The following APBA2 variants were observed in gnomAD, a reference collection of about 807,000 sequenced individuals.
APBA2 encodes the protein amyloid beta precursor protein binding family A member 2, also known as amyloid-beta A4 precursor protein-binding family A member 2.
In APBA2, 30 loss-of-function variants were observed where a neutral mutation model predicts 75.0. The ratio of observed to expected loss-of-function variants is 0.40; its 90% CI spans 0.30 to 0.54. The LOEUF (loss-of-function observed/expected upper bound fraction) is 0.54, where lower values mean the gene tolerates loss of function less well. Among genes scored for constraint, APBA2 ranks in the 20% least tolerant of loss-of-function variants. The probability of loss-of-function intolerance (pLI) is 0.49; values close to 1 mark genes in which losing one functional copy is unlikely to be tolerated. For synonymous variants in APBA2, 444 were observed against 409.6 expected (o/e 1.08, Z -1.01); for missense variants, 801 against 1,016.1 (o/e 0.79, Z 2.88).
At position 28,944,695 on chromosome 15, in the gene APBA2, C is replaced by G. The variant is rs551155899; in HGVS notation, c.-95+22946C>G. 3.9e-5 allele frequency among the ~76,000 whole-genome samples: 6 copies of G among 152,352 alleles called. No homozygotes were observed. In the South Asian group the frequency reaches 1.0e-3, roughly 26 times the overall value. ...AAATGAATGGAACAGCTGTACTGTG[C>G]AGAGATACGTGCAGAGAGGGGCAGG... is the stretch of plus-strand genomic sequence containing the variant. On this transcript the variant is annotated intron_variant, in intron 2 of 14. Transcript: ENST00000683413.
intron 14 of APBA2, among the ~76,000 whole-genome samples, chr15:29,115,359 G>A (rs1247590738): frequency 6.6e-6 from 1 of 152,124 alleles, no homozygotes; most frequent in Non-Finnish European, 1.5e-5. Context: ...GCTGGGAGCT[G>A]GGAGGCCTGT....
intron 3 of APBA2, among the ~76,000 whole-genome samples, chr15:29,016,418 A>T (rs761762393): frequency 5.3e-5 from 8 of 151,966 alleles, no homozygotes; most frequent in Middle Eastern, 3.4e-3. Context: ...TTATGGGAAG[A>T]CCCCTCACTT....
chr15:28,946,103 A>G (rs1170048150), intron 2 of APBA2, among the ~76,000 whole-genome samples: 1 of 152,186 alleles, frequency 6.6e-6, no homozygotes, highest in African/African-American at 2.4e-5. Flanking sequence ...TTAGATCTTG[A>G]TTTTGTTGCA....
chr15:28,950,405 A>C (rs2035794692), intron 2 of APBA2, among the ~76,000 whole-genome samples: 1 of 151,884 alleles, frequency 6.6e-6, no homozygotes, highest in South Asian at 2.1e-4. Flanking sequence ...GAGTGGGTGG[A>C]TCATGAGGTC....
At position 29,046,286 on chromosome 15, in the gene APBA2, C is replaced by G. The variant is rs189655497; in HGVS notation, c.-40-7559C>G. The stretch of plus-strand genomic sequence containing the variant: ...CTTTGAAAGAACCACTTGTTTCTAC[C>G]TACGTTTTTGCCCACCTTTCCTTCT... On this transcript the variant is annotated intron_variant, in intron 3 of 14. Transcript: ENST00000683413. This position sits in a 1 kb window ranked among gnomAD's most constrained non-coding sequence, Gnocchi z 5.0. Among the ~76,000 whole-genome samples, 1 of 152,304 alleles carries G rather than the reference C, an allele frequency of 6.6e-6. No homozygotes were observed. Among genetic ancestry groups the G allele is most frequent in the Non-Finnish European group, 1.5e-5 (1 of 68,030 alleles).
At chr15:28,948,484 C>T (rs191094839) in intron 2 of APBA2, among the ~76,000 whole-genome samples, 18 of 152,172 alleles carry the variant, frequency 1.2e-4, no homozygotes, top group Non-Finnish European at 2.6e-4. Context: ...TGTGTAACTT[C>T]AGAGTTTGGT....
chr15:29,080,531 G>A (rs988881080), intron 6 of APBA2, among the ~76,000 whole-genome samples: 6 of 152,116 alleles, frequency 3.9e-5, no homozygotes, highest in Non-Finnish European at 5.9e-5. Flanking sequence ...GGGGTCTAGC[G>A]ACCCTCTCAG....
intron 1 of APBA2, among the ~76,000 whole-genome samples, chr15:28,896,332 T>C (rs1595401903): frequency 6.6e-6 from 1 of 152,180 alleles, no homozygotes; most frequent in East Asian, 1.9e-4. Context: ...CAGACTGGAG[T>C]GCAGTGGCAC....
At chr15:29,073,172 A>G (rs895576267) in intron 4 of APBA2, among the ~76,000 whole-genome samples, 2 of 152,290 alleles carry the variant, frequency 1.3e-5, no homozygotes, top group Non-Finnish European at 2.9e-5. Flanking sequence ...AGAGCAAGAC[A>G]CTGATAGACT....
intron 2 of APBA2, among the ~76,000 whole-genome samples, chr15:28,957,646 C>T (rs1046845405): frequency 3.3e-5 from 5 of 152,090 alleles, no homozygotes; most frequent in African/African-American, 9.7e-5. Flanking sequence ...TCCTGATGCA[C>T]GATGGTGTGG....
intron 3 of APBA2, among the ~76,000 whole-genome samples, chr15:29,030,330 C>T (rs1346124910): frequency 3.3e-5 from 5 of 152,006 alleles, no homozygotes; most frequent in African/African-American, 4.8e-5. Context: ...GGCGTGATGG[C>T]GGGTGCCTAT....
chr15:28,937,214 G>A (rs1458351678), intron 2 of APBA2, among the ~76,000 whole-genome samples: 1 of 151,876 alleles, frequency 6.6e-6, no homozygotes, highest in African/African-American at 2.4e-5. Context: ...GTGTCATACA[G>A]TGGCATGCTG....
At chr15:29,032,598 A>G (rs974879676) in intron 3 of APBA2, among the ~76,000 whole-genome samples, 2 of 152,162 alleles carry the variant, frequency 1.3e-5, no homozygotes, top group African/African-American at 2.4e-5. Context: ...CTGGTGATCT[A>G]TTTGGCTATC....
rs141291770 is a variant in APBA2 at position 28,960,019 on chromosome 15, C to T, written c.-94-35734C>T. Among the ~76,000 whole-genome samples the T allele has an allele frequency of 2.5e-3, 381 of 152,218 alleles. 1 individual carries two copies. Among genetic ancestry groups the T allele is most frequent in the African/African-American group, 9.0e-3 (373 of 41,548 alleles). On this transcript the variant is annotated intron_variant, in intron 2 of 14. Coordinates refer to ENST00000683413, the MANE Select transcript of APBA2 (RefSeq NM_001353788.2). ...AATTAGCTGGGCCTGGTGGCAGTTGCCTGTGGTCCCAGCTACTTGGGAGGC... is the reference window on the plus strand; with the variant it reads ...AATTAGCTGGGCCTGGTGGCAGTTGTCTGTGGTCCCAGCTACTTGGGAGGC...
chr15:28,900,655 C>T (rs1454207960), intron 1 of APBA2, among the ~76,000 whole-genome samples: 4 of 152,216 alleles, frequency 2.6e-5, no homozygotes, highest in Non-Finnish European at 4.4e-5. Context: ...GATAAGCTGT[C>T]GGGGGCCGCT....
chr15:29,040,552 G>A (rs184731415), intron 3 of APBA2, among the ~76,000 whole-genome samples: 2 of 152,212 alleles, frequency 1.3e-5, no homozygotes, highest in African/African-American at 4.8e-5. Context: ...TGAATAGCTC[G>A]TGCTTGAAGC....
At chr15:28,943,652 T>C (rs2152708816) in intron 2 of APBA2, among the ~76,000 whole-genome samples, 1 of 152,160 alleles carries the variant, frequency 6.6e-6, no homozygotes, top group East Asian at 1.9e-4. Flanking sequence ...CAGCACTGAG[T>C]ACATGATGCC....
intron 3 of APBA2, among the ~76,000 whole-genome samples, chr15:29,002,367 G>T (rs1397106078): frequency 6.6e-6 from 1 of 152,186 alleles, no homozygotes; most frequent in Non-Finnish European, 1.5e-5. Flanking sequence ...ACAGTCTAGG[G>T]CTGCTGTGAA....
intron 1 of APBA2, among the ~76,000 whole-genome samples, chr15:28,895,215 T>C (rs543489747): frequency 6.6e-6 from 1 of 152,254 alleles, no homozygotes; most frequent in Non-Finnish European, 1.5e-5. Context: ...CCCAGGCAGC[T>C]CCAGTGTGCA....
Sources: gnomAD v4.1 joint callset for allele counts (sites outside exome capture counted in the v4.1 genomes callset) on GRCh38, gnomAD v4.1.1 for gene constraint, Gnocchi (gnomAD v3.1) non-coding constraint, MANE v1.5 for transcripts, NCBI Gene and HGNC (gene_info 2026-07-23, HGNC 2026-07-21) for gene names.